The following TRPM3 variants were observed in gnomAD, a reference collection of about 807,000 sequenced individuals.
TRPM3 encodes long transient receptor potential channel 3.
In TRPM3, 77 loss-of-function variants were observed where a neutral mutation model predicts 181.2. The ratio of observed to expected loss-of-function variants is 0.42; its 90% confidence interval spans 0.35 to 0.51. The LOEUF (loss-of-function observed/expected upper bound fraction) is 0.51. TRPM3 is among the 20% of genes least tolerant of loss of function. TRPM3 has a pLI of 0.01. For synonymous variants in TRPM3, 745 were observed against 796.4 expected (o/e 0.94, Z 1.09); for missense variants, 1,759 against 2,196.7 (o/e 0.80, Z 3.98).
intron 1 of TRPM3, among the ~76,000 whole-genome samples, chr9:71,433,402 C>T (rs1334700129): frequency 2.0e-5 from 3 of 152,242 alleles, no homozygotes; most frequent in African/African-American, 4.8e-5. Context: ...TTCCTGCCAC[C>T]GTGTGAAGAA....
rs558752541 is a variant in TRPM3 at position 70,696,371 on chromosome 9, C to A, written c.1273-14793G>T. 9.6e-4 allele frequency among the ~76,000 whole-genome samples: 146 copies of A among 152,314 alleles called. 2 individuals carry two copies. Among genetic ancestry groups the A allele is most frequent in the African/African-American group, 3.4e-3 (142 of 41,566 alleles). ...CCCATCCGGAGACCGATCAGGTTTC[C>A]TCCTAATACACATCCTCAGTCTTAC... On this transcript the variant is annotated intron_variant, in intron 8 of 25. Coordinates refer to ENST00000677713, the MANE Select transcript of TRPM3 (RefSeq NM_001366145.2).
At chr9:70,821,176 T>G (rs1194683783) in intron 6 of TRPM3, among the ~76,000 whole-genome samples, 2 of 152,178 alleles carry the variant, frequency 1.3e-5, no homozygotes, top group Non-Finnish European at 2.9e-5. Context: ...TGCTACTGAG[T>G]TAAAGAAATA....
intron 1 of TRPM3, among the ~76,000 whole-genome samples, chr9:70,925,949 A>G (rs1465093242): frequency 6.6e-6 from 1 of 151,458 alleles, no homozygotes; most frequent in East Asian, 1.9e-4. Flanking sequence ...AGTAAGGTAC[A>G]TTGTGATTCA....
intron 1 of TRPM3, among the ~76,000 whole-genome samples, chr9:70,927,306 G>A (rs1273740175): frequency 2.6e-5 from 4 of 151,948 alleles, no homozygotes; most frequent in African/African-American, 9.7e-5. Context: ...GGACATAGAG[G>A]GTCAAAATAC....
At chr9:70,757,488 G>A (rs2077284024) in intron 8 of TRPM3, among the ~76,000 whole-genome samples, 1 of 152,126 alleles carries the variant, frequency 6.6e-6, no homozygotes, top group South Asian at 2.1e-4. Flanking sequence ...GTTTTATGAA[G>A]CCAGCATCAT....
intron 8 of TRPM3, among the ~76,000 whole-genome samples, chr9:70,738,399 A>G (rs1283998643): frequency 3.3e-5 from 5 of 152,096 alleles, no homozygotes; most frequent in Admixed American, 3.3e-4. Flanking sequence ...AAAGTATAAT[A>G]ATAAAAAAAA....
In TRPM3 at chr9:71,420,813, A is replaced by AGAGAGAAAGAAAGAGAGAAAGAG. The variant is rs1565557668; in HGVS notation, c.183+25839_183+25840insCTCTTTCTCTCTTTCTTTCTCTC. On this transcript the variant is annotated intron_variant, in intron 1 of 24. Coordinates refer to the TRPM3 transcript ENST00000357533. ...AGAGAGAGAAAGAAAGAGAGAAAGAAAGAGAGAAAGAGAGGGAAAGAAAGA... is the reference window on the plus strand; with the variant it reads ...AGAGAGAGAAAGAAAGAGAGAAAGAAGAGAGAAAGAAAGAGAGAAAGAGAGAGAGAAAGAGAGGGAAAGAAAGA... Among the ~76,000 whole-genome samples the AGAGAGAAAGAAAGAGAGAAAGAG allele has an allele frequency of 3.7e-4, 4 of 10,944 alleles. 2 individuals carry two copies. The highest frequency in any genetic ancestry group is 6.0e-4 in the Non-Finnish European group (4 of 6,686). The allele number at this position is 10,944 out of a possible 152,430, so 7.2% of individuals were successfully genotyped here. A position where few individuals can be genotyped will look rare whatever the true frequency, so the allele number is the denominator to read the frequency against.
In TRPM3 at chr9:71,111,325, A is replaced by C. The variant is rs566142687; in HGVS notation, c.177+9853T>G. Among the ~76,000 whole-genome samples, 6 of 152,322 alleles carry C rather than the reference A, an allele frequency of 3.9e-5. No individual in the cohort carries two copies. The South Asian group carries it at 1.2e-3, about 32-fold the overall frequency. ...AGGAAGTATCTCTTGGGATTCCAGC[A>C]AAATCAATTACGTACCCACCCGTTA... On this transcript the variant is annotated intron_variant, in intron 1 of 25. Coordinates refer to ENST00000677713, the MANE Select transcript of TRPM3 (RefSeq NM_001366145.2).
At chr9:70,651,957 G>A (rs2059649173) in intron 9 of TRPM3, among the ~76,000 whole-genome samples, 1 of 152,106 alleles carries the variant, frequency 6.6e-6, no homozygotes, top group Non-Finnish European at 1.5e-5. Context: ...TGCTCAATAG[G>A]AAGGAGGAAG....
chr9:70,611,602 A>G (rs1334262784), intron 18 of TRPM3, among the ~76,000 whole-genome samples: 1 of 152,198 alleles, frequency 6.6e-6, no homozygotes, highest in Non-Finnish European at 1.5e-5. Flanking sequence ...CTCAGGTGGT[A>G]TCTTTATGGC....
chr9:70,889,049 G>A (rs2096146013), intron 1 of TRPM3, among the ~76,000 whole-genome samples: 1 of 152,118 alleles, frequency 6.6e-6, no homozygotes, highest in Non-Finnish European at 1.5e-5. Context: ...GCCAACTAGA[G>A]AATGTTCAAA....
At chr9:70,993,785 A>C (rs1199057324) in intron 1 of TRPM3, among the ~76,000 whole-genome samples, 22 of 51,754 alleles carry the variant, frequency 4.3e-4, no homozygotes, top group East Asian at 3.2e-3. Flanking sequence ...ATTCCATCTC[A>C]AAAAAAAAAA....
At chr9:70,656,911 A>G (rs1331484761) in intron 9 of TRPM3, among the ~76,000 whole-genome samples, 1 of 140,556 alleles carries the variant, frequency 7.1e-6, no homozygotes, top group African/African-American at 2.7e-5. Context: ...GATGTAAAGA[A>G]AGTTATAAAA....
At chr9:70,630,096 G>C (rs941415799) in intron 12 of TRPM3, among the ~76,000 whole-genome samples, 35 of 152,164 alleles carry the variant, frequency 2.3e-4, no homozygotes, top group African/African-American at 8.5e-4. Flanking sequence ...GGTATTGCCA[G>C]GTAGAGGGGA....
intron 3 of TRPM3, among the ~76,000 whole-genome samples, chr9:70,859,418 G>A (rs1159093829): frequency 6.6e-6 from 1 of 152,152 alleles, no homozygotes; most frequent in Non-Finnish European, 1.5e-5. Context: ...CTGCGACATG[G>A]AGAAATTAGT....
intron 1 of TRPM3, among the ~76,000 whole-genome samples, chr9:71,340,882 G>A (rs1435029724): frequency 6.6e-6 from 1 of 152,000 alleles, no homozygotes; most frequent in Non-Finnish European, 1.5e-5. Flanking sequence ...AACTATACAA[G>A]AGAACCCTGG....
intron 20 of TRPM3, among the ~76,000 whole-genome samples, chr9:70,601,630 C>T (rs4618765): frequency 0.2 from 30,622 of 152,160 alleles, 3,596 homozygotes; most frequent in Non-Finnish European, 0.27. Context: ...CCACGGGAAG[C>T]GGGAATCTTC....
At chr9:71,099,908 T>A (rs10125299) in intron 1 of TRPM3, among the ~76,000 whole-genome samples, 198 of 152,238 alleles carry the variant, frequency 1.3e-3, no homozygotes, top group African/African-American at 4.6e-3. Flanking sequence ...ATATGCAGTG[T>A]AACCCCAATG....
At chr9:71,041,020 T>C (rs1590900696) in intron 1 of TRPM3, among the ~76,000 whole-genome samples, 1 of 152,120 alleles carries the variant, frequency 6.6e-6, no homozygotes, top group East Asian at 1.9e-4. Flanking sequence ...GAAAGACATT[T>C]TGGGATGATG....
Sources: gnomAD v4.1 joint callset for allele counts (sites outside exome capture counted in the v4.1 genomes callset) on GRCh38, gnomAD v4.1.1 for gene constraint, MANE v1.5 for transcripts, NCBI Gene and HGNC (gene_info 2026-07-23, HGNC 2026-07-21) for gene names.